PDSS2: variants seen among roughly 807,000 people sequenced by gnomAD.
The protein encoded by PDSS2 is all trans-polyprenyl-diphosphate synthase PDSS2.
In PDSS2, 31 loss-of-function variants were observed where a neutral mutation model predicts 44.5. That is an observed-to-expected ratio of 0.70 (90% CI 0.52 to 0.94). PDSS2 has a LOEUF of 0.94. Among genes scored for constraint, PDSS2 ranks in the 40% least tolerant of loss-of-function variants. The probability of loss-of-function intolerance (pLI) is 0.00; values close to 1 mark genes in which losing one functional copy is unlikely to be tolerated. For synonymous variants in PDSS2, 157 were observed against 180.3 expected, an observed-to-expected ratio of 0.87 and a Z score of 1.03; for missense variants, 452 against 482.2, an observed-to-expected ratio of 0.94 and a Z score of 0.59.
intron 1 of PDSS2, among the ~76,000 whole-genome samples, chr6:107,458,426 A>AAAAAAAAAAAAAAAAAAAAAAAC (rs1562555803): frequency 7.1e-6 from 1 of 140,390 alleles, no homozygotes; most frequent in Non-Finnish European, 1.6e-5. Flanking sequence ...AAAAAAAAAA[A>AAAAAAAAAAAAAAAAAAAAAAAC]AAAAAACTTT....
chr6:107,452,244 C>T (rs780922762), intron 1 of PDSS2, among the ~76,000 whole-genome samples: 1 of 143,238 alleles, frequency 7.0e-6, no homozygotes, highest in Non-Finnish European at 1.5e-5. Flanking sequence ...TTAGAGAGTT[C>T]TTTTTTTTTT....
At chr6:107,247,034 A>T (rs1181668347) in intron 3 of PDSS2, among the ~76,000 whole-genome samples, 2 of 152,144 alleles carry the variant, frequency 1.3e-5, no homozygotes, top group Non-Finnish European at 2.9e-5. Flanking sequence ...TTCCCCCTGA[A>T]GGTATCAGAT....
At chr6:107,206,471 A>T (rs1366638621) in intron 6 of PDSS2, among the ~76,000 whole-genome samples, 1 of 152,220 alleles carries the variant, frequency 6.6e-6, no homozygotes. Flanking sequence ...TTTGGAAAAG[A>T]TCTAGTTTAA....
chr6:107,447,028 C>T (rs1277507610), intron 1 of PDSS2, among the ~76,000 whole-genome samples: 1 of 152,062 alleles, frequency 6.6e-6, no homozygotes, highest in Non-Finnish European at 1.5e-5. Context: ...TCCCTTCTAC[C>T]TATGAGCCTA....
In PDSS2 at chr6:107,274,174, T is replaced by G. The variant is rs1157801198; in HGVS notation, c.485A>C (p.His162Pro). The part of the protein sequence containing the change: ...TELIHIALLV[H>P]RGIVNLNELQ... Reference sequence around the variant, plus strand: ...CTCATTTAAATTTACTATCCCACGATGTACAAGGAGAGCAATATGAATTAG... The same window carrying G: ...CTCATTTAAATTTACTATCCCACGAGGTACAAGGAGAGCAATATGAATTAG... Residue 162 changes from histidine to proline, a missense_variant, in exon 3 of 8, where the codon CAT (histidine) becomes CCT (proline). Transcript: ENST00000369037. 1 of 1,614,034 alleles carries G rather than the reference T, an allele frequency of 6.2e-7. No homozygotes were observed. Among genetic ancestry groups the G allele is most frequent in the Admixed American group, 1.7e-5 (1 of 60,030 alleles).
chr6:107,364,485 G>A (rs1230788953), intron 1 of PDSS2, among the ~76,000 whole-genome samples: 2 of 152,242 alleles, frequency 1.3e-5, no homozygotes, highest in Non-Finnish European at 2.9e-5. Context: ...CCACTGGCCC[G>A]GGTGCTAAGT....
At chr6:107,264,493 G>C (rs1254068679) in intron 3 of PDSS2, 5 of 1,544,092 alleles carry the variant, frequency 3.2e-6, no homozygotes, top group East Asian at 2.4e-5. Context: ...TATAGCAATA[G>C]GTCCATTAAA....
intron 1 of PDSS2, among the ~76,000 whole-genome samples, chr6:107,355,504 T>C (rs1370143348): frequency 6.6e-6 from 1 of 152,210 alleles, no homozygotes. Context: ...CTACCAGAAA[T>C]TGCTACCATA....
At chr6:107,324,542 A>G (rs1222631734) in intron 2 of PDSS2, among the ~76,000 whole-genome samples, 4 of 152,170 alleles carry the variant, frequency 2.6e-5, no homozygotes, top group Admixed American at 6.5e-5. Flanking sequence ...CTGAAATACT[A>G]CAAATAAAGT....
chr6:107,454,690 T>C (rs1781979815), intron 1 of PDSS2, among the ~76,000 whole-genome samples: 1 of 152,108 alleles, frequency 6.6e-6, no homozygotes, highest in African/African-American at 2.4e-5. Context: ...ACGTAAACTT[T>C]AGGGCTATTA....
chr6:107,307,009 T>C (rs1037050631), intron 2 of PDSS2, among the ~76,000 whole-genome samples: 4 of 152,262 alleles, frequency 2.6e-5, no homozygotes, highest in African/African-American at 7.2e-5. Flanking sequence ...CCCACACTTA[T>C]CTTTCTCTTT....
At chr6:107,270,784 T>C (rs1395273919) in intron 3 of PDSS2, among the ~76,000 whole-genome samples, 1 of 152,256 alleles carries the variant, frequency 6.6e-6, no homozygotes, top group Admixed American at 6.5e-5. Context: ...AAAGGCTTTA[T>C]GTTTAATAGA....
intron 1 of PDSS2, among the ~76,000 whole-genome samples, chr6:107,388,810 C>T (rs1043360042): frequency 4.6e-5 from 7 of 152,060 alleles, no homozygotes; most frequent in African/African-American, 1.4e-4. Flanking sequence ...TGGAAGCAAC[C>T]ACATGTCATT....
intron 2 of PDSS2, among the ~76,000 whole-genome samples, chr6:107,305,767 T>C (rs1312569550): frequency 6.6e-6 from 1 of 152,198 alleles, no homozygotes; most frequent in Non-Finnish European, 1.5e-5. Context: ...GCTTTATTTA[T>C]TCATTCAAGA....
At chr6:107,264,298 C>A (rs1170177667) in intron 3 of PDSS2, 11 of 1,419,980 alleles carry the variant, frequency 7.7e-6, no homozygotes, top group African/African-American at 1.4e-5. Flanking sequence ...CATATTTACG[C>A]CTTTAGGAAA....
At chr6:107,442,700 T>C (rs1332724321) in intron 1 of PDSS2, among the ~76,000 whole-genome samples, 2 of 152,160 alleles carry the variant, frequency 1.3e-5, no homozygotes, top group Non-Finnish European at 2.9e-5. Context: ...CCAACATACT[T>C]CTGCTAGTAT....
intron 2 of PDSS2, among the ~76,000 whole-genome samples, chr6:107,327,580 C>T (rs1254922215): frequency 6.6e-6 from 1 of 152,202 alleles, no homozygotes. Flanking sequence ...CCTCAGTCTC[C>T]TGAATAGCAG....
At chr6:107,176,736 A>G (rs1771803405) in intron 7 of PDSS2, among the ~76,000 whole-genome samples, 1 of 152,208 alleles carries the variant, frequency 6.6e-6, no homozygotes, top group Non-Finnish European at 1.5e-5. Context: ...TAACCATACT[A>G]CTGTATATGT....
At chr6:107,253,097 T>C (rs1377317794) in intron 3 of PDSS2, among the ~76,000 whole-genome samples, 1 of 152,236 alleles carries the variant, frequency 6.6e-6, no homozygotes, top group Non-Finnish European at 1.5e-5. Flanking sequence ...GTGCGGTGGC[T>C]TGATCTTGGC....
Sources: gnomAD v4.1 joint callset for allele counts (sites outside exome capture counted in the v4.1 genomes callset) on GRCh38, gnomAD v4.1.1 for gene constraint, MANE v1.5 for transcripts, NCBI Gene and HGNC (gene_info 2026-07-23, HGNC 2026-07-21) for gene names.